Variants in MCUB observed in about 807,000 individuals in gnomAD.
MCUB encodes mitochondrial calcium uniporter dominant negative subunit beta.
A neutral mutation model predicts 41.4 loss-of-function variants in MCUB; 46 were observed. The observed-to-expected ratio is 1.11, with a 90% CI of 0.88 to 1.42. The LOEUF (loss-of-function observed/expected upper bound fraction) is 1.42, where lower values mean the gene tolerates loss of function less well. MCUB is among the 40% of genes most tolerant of loss of function. MCUB has a pLI of 0.00. For missense variants in MCUB, 403 were observed against 404.9 expected, an observed-to-expected ratio of 1.00 and a Z score of 0.04; for synonymous variants, 148 against 148.2, an observed-to-expected ratio of 1.00 and a Z score of 0.01.
At chr4:109,685,444 C>T in intron 7 of MCUB, 77 bp downstream of exon 7, 1 of 638,920 alleles carries the variant, frequency 1.6e-6, no homozygotes, top group Admixed American at 2.3e-5. Context: ...ACTGGTGGCT[C>T]ATCCTCACAA....
chr4:109,605,480 T>C (rs1390785344), intron 1 of MCUB, among the ~76,000 whole-genome samples: 1 of 152,236 alleles, frequency 6.6e-6, no homozygotes, highest in African/African-American at 2.4e-5. Context: ...ATCCATGTGC[T>C]GAAGAGAAGA....
chr4:109,612,830 GGT>G (rs1728041531), intron 1 of MCUB, among the ~76,000 whole-genome samples: 2 of 152,166 alleles, frequency 1.3e-5, no homozygotes, highest in Admixed American at 1.3e-4. Context: ...AATTAGGCCG[GGT>G]GCGGTGTCTC....
intron 1 of MCUB, among the ~76,000 whole-genome samples, chr4:109,577,976 A>C (rs1291182793): frequency 1.3e-5 from 2 of 152,206 alleles, no homozygotes; most frequent in Non-Finnish European, 2.9e-5. Flanking sequence ...TGACCTAGCC[A>C]CATCAGTTTT....
chr4:109,677,671 GCT>G (rs536594389), intron 4 of MCUB, among the ~76,000 whole-genome samples: 1 of 152,128 alleles, frequency 6.6e-6, no homozygotes, highest in Admixed American at 6.6e-5. Flanking sequence ...GCCCCTGCTT[GCT>G]CTCTCTCACC....
At chr4:109,570,777 A>G (rs537385516) in intron 1 of MCUB, among the ~76,000 whole-genome samples, 34 of 152,338 alleles carry the variant, frequency 2.2e-4, no homozygotes, top group African/African-American at 7.9e-4. Context: ...ATAAGGACCA[A>G]TTACGAAGTC....
chr4:109,637,149 G>A (rs182851024), intron 1 of MCUB, among the ~76,000 whole-genome samples: 6 of 152,348 alleles, frequency 3.9e-5, no homozygotes, highest in African/African-American at 1.4e-4. Flanking sequence ...ACCTGCTGAT[G>A]AGGAAGATGC....
At position 109,577,557 on chromosome 4, in the gene MCUB, A is replaced by G. The variant is rs374023066; in HGVS notation, c.99+17121A>G. 2.3e-4 allele frequency among the ~76,000 whole-genome samples: 35 copies of G among 152,048 alleles called. No individual in the cohort carries two copies. The East Asian group carries it at 5.6e-3, about 24-fold the overall frequency. ...TTGAAGTAGAGCTTTGAATATTGCT[A>G]AAACTTGATCGTTTCATAGCCTAAA... On this transcript the variant is annotated intron_variant, in intron 1 of 7. Coordinates refer to ENST00000394650, the MANE Select transcript of MCUB (RefSeq NM_017918.5).
chr4:109,668,222 T>C (rs934751221), intron 4 of MCUB, among the ~76,000 whole-genome samples: 1 of 152,266 alleles, frequency 6.6e-6, no homozygotes, highest in Non-Finnish European at 1.5e-5. Context: ...CCATTTCTAA[T>C]AGAGGAATGT....
chr4:109,572,678 TTTAC>T (rs1300971240), intron 1 of MCUB, among the ~76,000 whole-genome samples: 4 of 137,202 alleles, frequency 2.9e-5, no homozygotes, highest in Admixed American at 1.3e-4. Context: ...AGTCATGTTA[TTTAC>T]TTAATTACGT....
chr4:109,681,597 G>A (rs113394171), intron 4 of MCUB: 6,093 of 307,710 alleles, frequency 0.02, 369 homozygotes, highest in African/African-American at 0.12. Flanking sequence ...ATTAGAAGTC[G>A]TGGGTCACGG....
chr4:109,658,411 C>T (rs1017573515), intron 1 of MCUB, among the ~76,000 whole-genome samples: 3 of 152,116 alleles, frequency 2.0e-5, no homozygotes, highest in African/African-American at 7.2e-5. Context: ...GATTCTCCTG[C>T]CTCAGCCTCG....
At chr4:109,659,473 C>G (rs1005832903) in intron 2 of MCUB, among the ~76,000 whole-genome samples, 2 of 151,990 alleles carry the variant, frequency 1.3e-5, no homozygotes, top group Non-Finnish European at 1.5e-5. Flanking sequence ...GCCTGTAGTC[C>G]CAGCTACCCA....
At chr4:109,567,416 C>T (rs1726807186) in intron 1 of MCUB, among the ~76,000 whole-genome samples, 1 of 151,952 alleles carries the variant, frequency 6.6e-6, no homozygotes, top group Admixed American at 6.5e-5. Context: ...ATGTTATGTA[C>T]AAACATAGTA....
intron 1 of MCUB, among the ~76,000 whole-genome samples, chr4:109,584,525 GTT>G (rs978202218): frequency 2.0e-5 from 3 of 152,084 alleles, no homozygotes; most frequent in African/African-American, 7.2e-5. Flanking sequence ...TGCATCTCTA[GTT>G]ATTTTAATTG....
chr4:109,573,636 G>T (rs1410434449), intron 1 of MCUB, among the ~76,000 whole-genome samples: 1 of 152,136 alleles, frequency 6.6e-6, no homozygotes, highest in African/African-American at 2.4e-5. Flanking sequence ...CTAGAAGCTA[G>T]TATGGCTCCT....
intron 1 of MCUB, among the ~76,000 whole-genome samples, chr4:109,587,608 A>C (rs1727341835): frequency 6.6e-6 from 1 of 152,216 alleles, no homozygotes; most frequent in African/African-American, 2.4e-5. Context: ...AATCCAAAAA[A>C]CTTTTTTTAA....
At chr4:109,613,064 C>CGT (rs1728052914) in intron 1 of MCUB, among the ~76,000 whole-genome samples, 1 of 151,994 alleles carries the variant, frequency 6.6e-6, no homozygotes, top group Non-Finnish European at 1.5e-5. Flanking sequence ...CGAGATCACA[C>CGT]CACTGCACTC....
chr4:109,598,398 G>T (rs998698834), intron 1 of MCUB, among the ~76,000 whole-genome samples: 1 of 152,174 alleles, frequency 6.6e-6, no homozygotes, highest in African/African-American at 2.4e-5. Context: ...CTGAAGACCG[G>T]CCAGGCCAAC....
intron 1 of MCUB, among the ~76,000 whole-genome samples, chr4:109,568,453 G>A (rs1376046689): frequency 6.6e-6 from 1 of 151,948 alleles, no homozygotes; most frequent in Non-Finnish European, 1.5e-5. Flanking sequence ...TCTTCTTGTG[G>A]CTTGTCATGT....
Sources: gnomAD v4.1 joint callset for allele counts (sites outside exome capture counted in the v4.1 genomes callset) on GRCh38, gnomAD v4.1.1 for gene constraint, MANE v1.5 for transcripts, NCBI Gene and HGNC (gene_info 2026-07-23, HGNC 2026-07-21) for gene names.